PALM2AKAP2: variants seen among roughly 807,000 people sequenced by gnomAD.
PALM2AKAP2 encodes PALM2 and AKAP2 fusion.
In PALM2AKAP2, 37 loss-of-function variants were observed where a neutral mutation model predicts 71.5. The ratio of observed to expected loss-of-function variants is 0.52; its 90% CI spans 0.40 to 0.68. PALM2AKAP2 has a LOEUF of 0.68. Ranked by LOEUF, PALM2AKAP2 falls within the 30% of genes least tolerant of loss-of-function variation. The pLI is 0.00. For synonymous variants in PALM2AKAP2, 468 were observed against 478.8 expected, an observed-to-expected ratio of 0.98 and a Z score of 0.29; for missense variants, 1,224 against 1,191.8, an observed-to-expected ratio of 1.03 and a Z score of -0.40.
chr9:110,031,913 G>A (rs73657320), intron 7 of PALM2AKAP2, among the ~76,000 whole-genome samples: 3,212 of 152,220 alleles, frequency 0.021, 123 homozygotes, highest in African/African-American at 0.073. Context: ...TCATCCTTGA[G>A]AATGAGTTGT....
rs556382563 is a variant in PALM2AKAP2 at position 109,913,698 on chromosome 9, T to C, written c.258-10037T>C. ...GTGTCTTGTATTAATTAGGATTCCATGTGGATGCAAGGAACAGAGACCCAC... is the reference window on the plus strand; with the variant it reads ...GTGTCTTGTATTAATTAGGATTCCACGTGGATGCAAGGAACAGAGACCCAC... On this transcript the variant is annotated intron_variant, in intron 3 of 9. Transcript: ENST00000302798. Among the ~76,000 whole-genome samples, 16 of 152,112 alleles carry C rather than the reference T, an allele frequency of 1.1e-4. No homozygotes were observed. In the South Asian group the frequency reaches 2.9e-3, roughly 28 times the overall value.
upstream of PALM2AKAP2, among the ~76,000 whole-genome samples, chr9:109,779,438 A>G (rs1383404808): frequency 6.6e-6 from 1 of 152,220 alleles, no homozygotes; most frequent in Non-Finnish European, 1.5e-5. Flanking sequence ...TCACAGGATA[A>G]TAAGAGCAGA....
rs1441916643 is a variant in PALM2AKAP2, at chr9:110,121,201, G to A, written c.157-14926G>A. Reference sequence around the variant, plus strand: ...TTTCCCACACTTTACTCCAATCAGGGATTCCTTTGGGTAAACAAACTCCTG... The same window carrying A: ...TTTCCCACACTTTACTCCAATCAGGAATTCCTTTGGGTAAACAAACTCCTG... On this transcript the variant is annotated intron_variant, in intron 1 of 3. Coordinates refer to ENST00000374525, the Ensembl canonical transcript of PALM2AKAP2. Among the ~76,000 whole-genome samples, 4 of 152,172 alleles carry A rather than the reference G, an allele frequency of 2.6e-5. No individual in the cohort carries two copies. In the East Asian group the frequency reaches 5.8e-4, roughly 22 times the overall value.
chr9:109,883,356 C>T (rs1009277112), intron 3 of PALM2AKAP2, among the ~76,000 whole-genome samples: 1 of 152,146 alleles, frequency 6.6e-6, no homozygotes, highest in African/African-American at 2.4e-5. Flanking sequence ...ATGGTGAGGC[C>T]TGGATTCAGG....
At chr9:109,662,285 A>G (rs1208401799) in intron 1 of PALM2AKAP2, among the ~76,000 whole-genome samples, 1 of 152,186 alleles carries the variant, frequency 6.6e-6, no homozygotes, top group Admixed American at 6.5e-5. Context: ...CCCATTCAAT[A>G]TGATATTGGC....
At chr9:109,906,003 A>G (rs1830437884) in intron 3 of PALM2AKAP2, among the ~76,000 whole-genome samples, 1 of 145,026 alleles carries the variant, frequency 6.9e-6, no homozygotes, top group Non-Finnish European at 1.5e-5. Context: ...AAAAAAGAGA[A>G]GAAATGGTCA....
At chr9:109,740,925 T>C (rs1828706926) in intron 1 of PALM2AKAP2, among the ~76,000 whole-genome samples, 1 of 152,206 alleles carries the variant, frequency 6.6e-6, no homozygotes. Flanking sequence ...GCGCTGGGAT[T>C]ACAGGTGTGA....
chr9:110,017,165 CA>C (rs1397292207), intron 7 of PALM2AKAP2, among the ~76,000 whole-genome samples: 2 of 152,202 alleles, frequency 1.3e-5, no homozygotes, highest in African/African-American at 4.8e-5. Context: ...AGGCATGAGC[CA>C]AACTGGAGAT....
chr9:110,152,063 C>G (rs1046819918), intron 2 of PALM2AKAP2, among the ~76,000 whole-genome samples: 1 of 152,116 alleles, frequency 6.6e-6, no homozygotes, highest in Non-Finnish European at 1.5e-5. Flanking sequence ...ATGGTAAAAC[C>G]CTGTCTCTAG....
chr9:109,731,210 TCCTAATGGTTCCATCTCTA>T (rs1828552299), intron 1 of PALM2AKAP2, among the ~76,000 whole-genome samples: 1 of 152,240 alleles, frequency 6.6e-6, no homozygotes, highest in Non-Finnish European at 1.5e-5. Context: ...CCTGATTTTT[TCCTAATGGTTCCATCTCTA>T]CCTCTACTGC....
At chr9:110,025,391 C>G in intron 7 of PALM2AKAP2, 1 of 809,406 alleles carries the variant, frequency 1.2e-6, no homozygotes, top group East Asian at 2.5e-5. Flanking sequence ...GAGGTTCCGC[C>G]CGAAAGGCTT....
chr9:109,880,955 G>A (rs978172790), intron 3 of PALM2AKAP2, among the ~76,000 whole-genome samples: 2 of 152,072 alleles, frequency 1.3e-5, no homozygotes, highest in Non-Finnish European at 2.9e-5. Context: ...GTATCGTGGG[G>A]ATTTGTTGAA....
chr9:110,011,053 A>G (rs1564258880), intron 6 of PALM2AKAP2, among the ~76,000 whole-genome samples: 2 of 142,552 alleles, frequency 1.4e-5, no homozygotes, highest in South Asian at 4.3e-4. Flanking sequence ...GTATATAAGT[A>G]TACAAAAGTA....
chr9:109,870,689 C>T (rs1044331766), intron 2 of PALM2AKAP2, among the ~76,000 whole-genome samples: 3 of 152,214 alleles, frequency 2.0e-5, no homozygotes, highest in African/African-American at 7.2e-5. Flanking sequence ...GAGCTCTTTC[C>T]AGGCCACCGT....
chr9:109,666,409 A>C (rs1360892483), intron 1 of PALM2AKAP2, among the ~76,000 whole-genome samples: 1 of 152,190 alleles, frequency 6.6e-6, no homozygotes, highest in Non-Finnish European at 1.5e-5. Flanking sequence ...ACAACTCTTA[A>C]ATGCTTTCTG....
intron 1 of PALM2AKAP2, among the ~76,000 whole-genome samples, chr9:109,829,790 T>TA (rs768694757): frequency 2.6e-5 from 4 of 152,082 alleles, no homozygotes; most frequent in Admixed American, 6.6e-5. Flanking sequence ...GTTCACTTAT[T>TA]AAAAAATCAG....
chr9:109,719,575 G>A (rs1828375653), intron 1 of PALM2AKAP2, among the ~76,000 whole-genome samples: 7 of 152,196 alleles, frequency 4.6e-5, no homozygotes, highest in Non-Finnish European at 1.5e-5. Context: ...CTGTGGAAGA[G>A]GGTCACCAGT....
At chr9:109,933,463 T>C (rs1459071691) in intron 6 of PALM2AKAP2, among the ~76,000 whole-genome samples, 6 of 152,170 alleles carry the variant, frequency 3.9e-5, no homozygotes, top group Non-Finnish European at 7.3e-5. Flanking sequence ...TGATCCAACA[T>C]ATGGATCAGC....
chr9:110,096,298 C>T (rs1186414771), intron 1 of PALM2AKAP2, among the ~76,000 whole-genome samples: 1 of 152,138 alleles, frequency 6.6e-6, no homozygotes, highest in Non-Finnish European at 1.5e-5. Flanking sequence ...GGGTCTTGCT[C>T]TGTTGCCCAG....
Sources: gnomAD v4.1 joint callset for allele counts (sites outside exome capture counted in the v4.1 genomes callset) on GRCh38, gnomAD v4.1.1 for gene constraint, MANE v1.5 for transcripts, NCBI Gene and HGNC (gene_info 2026-07-23, HGNC 2026-07-21) for gene names.